Variants in COL5A2 observed in about 807,000 individuals in gnomAD.
COL5A2 encodes collagen alpha-2(V) chain.
Under a neutral mutation model 208.2 loss-of-function variants are expected in COL5A2, and 23 were observed. That is an observed-to-expected ratio of 0.11 (90% CI 0.08 to 0.16). The LOEUF is 0.16. Among genes scored for constraint, COL5A2 ranks in the 10% least tolerant of loss-of-function variants. The pLI is 1.00. For synonymous variants in COL5A2, 625 were observed against 628.5 expected (o/e 0.99, Z 0.08); for missense variants, 1,590 against 1,956.4 (o/e 0.81, Z 3.53).
At chr2:189,127,309 C>G (rs1011075677) in intron 1 of COL5A2, among the ~76,000 whole-genome samples, 11 of 151,978 alleles carry the variant, frequency 7.2e-5, no homozygotes, top group Admixed American at 1.3e-4. Context: ...CTTTCTTTGG[C>G]TTCATCTTCA....
At chr2:189,163,414 T>C (rs930780699) in intron 1 of COL5A2, among the ~76,000 whole-genome samples, 4 of 152,216 alleles carry the variant, frequency 2.6e-5, no homozygotes, top group African/African-American at 7.2e-5. Flanking sequence ...TTCTCTCTAA[T>C]TGGAAAATTC....
At chr2:189,076,776 G>A (rs1347053881) in intron 16 of COL5A2, among the ~76,000 whole-genome samples, 1 of 152,054 alleles carries the variant, frequency 6.6e-6, no homozygotes. Context: ...TAGGATATGT[G>A]GGTCAACACA....
the COL5A2 span, among the ~76,000 whole-genome samples, chr2:189,269,429 T>C: frequency 1.3e-5 from 2 of 152,118 alleles, no homozygotes; most frequent in East Asian, 3.9e-4. Flanking sequence ...TCTAGTTTAT[T>C]GAGAGTTTTT....
intron 1 of COL5A2, among the ~76,000 whole-genome samples, chr2:189,127,217 T>G (rs556992171): frequency 6.6e-6 from 1 of 152,008 alleles, no homozygotes; most frequent in Non-Finnish European, 1.5e-5. Context: ...AAAGCAAAAT[T>G]GAGTGGTTAA....
chr2:189,187,159 CTT>C (rs1340629185), intron 1 of COL5A2, among the ~76,000 whole-genome samples: 2 of 152,180 alleles, frequency 1.3e-5, no homozygotes, highest in African/African-American at 2.4e-5. Context: ...CACACATACT[CTT>C]TGAGACTTAC....
chr2:189,105,076 A>G (rs1031238020), intron 2 of COL5A2, among the ~76,000 whole-genome samples: 4 of 151,760 alleles, frequency 2.6e-5, no homozygotes, highest in Admixed American at 1.3e-4. Context: ...AATGAAAGTG[A>G]AAGTTATTGT....
the COL5A2 span, among the ~76,000 whole-genome samples, chr2:189,434,216 G>A: frequency 2.6e-5 from 4 of 152,038 alleles, no homozygotes; most frequent in Non-Finnish European, 4.4e-5. Flanking sequence ...AACCCACAGC[G>A]AATATCATAC....
At chr2:189,173,811 T>G (rs1281671371) in intron 1 of COL5A2, among the ~76,000 whole-genome samples, 3 of 152,232 alleles carry the variant, frequency 2.0e-5, no homozygotes, top group African/African-American at 7.2e-5. Context: ...TATCTTTATA[T>G]AATTCCAAGA....
the COL5A2 span, among the ~76,000 whole-genome samples, chr2:189,415,826 A>T: frequency 6.6e-6 from 1 of 151,646 alleles, no homozygotes; most frequent in African/African-American, 2.4e-5. Context: ...CACCCAGCTA[A>T]TTTTTTTGTA....
intron 1 of COL5A2, among the ~76,000 whole-genome samples, chr2:189,120,172 G>A (rs1370182473): frequency 6.6e-6 from 1 of 152,020 alleles, no homozygotes; most frequent in East Asian, 1.9e-4. Context: ...TGAGACATTT[G>A]GAGTTCAACT....
At chr2:189,166,642 G>A (rs946787219) in intron 1 of COL5A2, among the ~76,000 whole-genome samples, 11 of 152,194 alleles carry the variant, frequency 7.2e-5, no homozygotes, top group Non-Finnish European at 1.0e-4. Context: ...GGAACCCTCC[G>A]TGGGCAAGTA....
chr2:189,393,550 T>A, the COL5A2 span, among the ~76,000 whole-genome samples: 2 of 152,158 alleles, frequency 1.3e-5, no homozygotes, highest in Admixed American at 1.3e-4. Flanking sequence ...AGTATCTGTA[T>A]AACATCTGAT....
At chr2:189,333,059 TC>T in the COL5A2 span, among the ~76,000 whole-genome samples, 1 of 152,046 alleles carries the variant, frequency 6.6e-6, no homozygotes, top group South Asian at 2.1e-4. Flanking sequence ...ATAAAGCATA[TC>T]TCACAGCAAA....
At chr2:189,265,068 G>C in the COL5A2 span, among the ~76,000 whole-genome samples, 4 of 152,016 alleles carry the variant, frequency 2.6e-5, no homozygotes, top group Admixed American at 1.3e-4. Flanking sequence ...AAAATCCCTG[G>C]GGGACCAAGA....
the COL5A2 span, among the ~76,000 whole-genome samples, chr2:189,325,623 T>C: frequency 1.3e-5 from 2 of 152,204 alleles, no homozygotes; most frequent in African/African-American, 2.4e-5. Context: ...CATTTACTCT[T>C]ATTTGTTTGT....
At chr2:189,204,100 T>C (rs1689113902) in intron 1 of COL5A2, among the ~76,000 whole-genome samples, 2 of 152,124 alleles carry the variant, frequency 1.3e-5, no homozygotes, top group Admixed American at 6.5e-5. Context: ...GGTTTCACAA[T>C]GTTAGCCAGG....
the COL5A2 span, among the ~76,000 whole-genome samples, chr2:189,313,614 G>T: frequency 6.6e-6 from 1 of 152,128 alleles, no homozygotes; most frequent in African/African-American, 2.4e-5. Flanking sequence ...AATGTAAATA[G>T]GATAAATACA....
chr2:189,419,919 A>G, the COL5A2 span, among the ~76,000 whole-genome samples: 43 of 141,844 alleles, frequency 3.0e-4, 1 homozygote, highest in South Asian at 8.6e-3. Flanking sequence ...GGAGGAGAAG[A>G]AGGAGAGGGG....
At chr2:189,292,131 G>A in the COL5A2 span, among the ~76,000 whole-genome samples, 1 of 152,086 alleles carries the variant, frequency 6.6e-6, no homozygotes, top group African/African-American at 2.4e-5. Context: ...CTGATTCTTG[G>A]GAACTGGGTA....
Sources: gnomAD v4.1 joint callset for allele counts (sites outside exome capture counted in the v4.1 genomes callset) on GRCh38, gnomAD v4.1.1 for gene constraint, MANE v1.5 for transcripts, NCBI Gene and HGNC (gene_info 2026-07-23, HGNC 2026-07-21) for gene names.